The following NFX1 variants were observed in gnomAD, a reference collection of about 807,000 sequenced individuals.
The protein encoded by NFX1 is transcriptional repressor NF-X1.
NFX1 carries 69 observed loss-of-function variants against 137.2 expected under a neutral mutation model. That is an observed-to-expected ratio of 0.50 (90% confidence interval 0.41 to 0.61). The LOEUF (loss-of-function observed/expected upper bound fraction) is 0.61, where lower values mean the gene tolerates loss of function less well. NFX1 is among the 20% of genes least tolerant of loss of function. The pLI is 0.00. For missense variants in NFX1, 1,167 were observed against 1,391.0 expected, an observed-to-expected ratio of 0.84 and a Z score of 2.56; for synonymous variants, 495 against 474.1, an observed-to-expected ratio of 1.04 and a Z score of -0.57.
At chr9:33,369,345 G>C (rs1824261856) in intron 23 of NFX1, among the ~76,000 whole-genome samples, 1 of 152,162 alleles carries the variant, frequency 6.6e-6, no homozygotes, top group African/African-American at 2.4e-5. Context: ...TTACAGGCGT[G>C]AGCCACCACA....
intron 6 of NFX1, among the ~76,000 whole-genome samples, chr9:33,313,309 C>A (rs925590115): frequency 6.6e-6 from 1 of 151,808 alleles, no homozygotes; most frequent in African/African-American, 2.4e-5. Context: ...AAAGAGTGGG[C>A]CGGGCGTGGT....
chr9:33,357,523 T>A (rs1399958314), intron 19 of NFX1, among the ~76,000 whole-genome samples: 2 of 151,916 alleles, frequency 1.3e-5, no homozygotes, highest in Non-Finnish European at 2.9e-5. Flanking sequence ...CCACTTAATG[T>A]CTTTTTCATT....
intron 4 of NFX1, among the ~76,000 whole-genome samples, chr9:33,306,153 C>G (rs562547451): frequency 2.6e-5 from 4 of 152,148 alleles, no homozygotes; most frequent in African/African-American, 9.6e-5. Flanking sequence ...GAGGCAGGAA[C>G]AGGAGAGCGA....
At chr9:33,318,412 A>G (rs1369234732) in intron 7 of NFX1, among the ~76,000 whole-genome samples, 1 of 152,188 alleles carries the variant, frequency 6.6e-6, no homozygotes, top group Admixed American at 6.5e-5. Flanking sequence ...TGGACCAGAT[A>G]GTGTTCTCTT....
At chr9:33,296,517 C>T (rs1821361068) in intron 2 of NFX1, among the ~76,000 whole-genome samples, 1 of 152,204 alleles carries the variant, frequency 6.6e-6, no homozygotes, top group Admixed American at 6.5e-5. Context: ...CACTTGAACA[C>T]AGGTGTTCAA....
chr9:33,316,861 C>T (rs1822181817), intron 7 of NFX1, among the ~76,000 whole-genome samples: 1 of 152,130 alleles, frequency 6.6e-6, no homozygotes, highest in South Asian at 2.1e-4. Context: ...ATTTTTTCAT[C>T]AGGAACTCAA....
At position 33,308,146 on chromosome 9, in the gene NFX1, A is replaced by T. The variant is rs776675734; in HGVS notation, c.1376+847A>T. ...TTCCCTACAATAAATAGCCAGCTGT[A>T]GATTATATCCATAAGCCAGACACGG... is the stretch of plus-strand genomic sequence containing the variant. On this transcript the variant is annotated intron_variant, in intron 5 of 23. Transcript: ENST00000379540. Among the ~76,000 whole-genome samples, 6 of 152,180 alleles carry T rather than the reference A, an allele frequency of 3.9e-5. 1 individual carries two copies. Among genetic ancestry groups the T allele is most frequent in the Admixed American group, 3.9e-4 (6 of 15,278 alleles).
intron 6 of NFX1, among the ~76,000 whole-genome samples, chr9:33,312,581 C>A (rs1822000478): frequency 6.6e-6 from 1 of 152,182 alleles, no homozygotes; most frequent in Non-Finnish European, 1.5e-5. Context: ...TCTAAAAGTA[C>A]TTTTTGCGGC....
rs574618461 is a variant in NFX1, at chr9:33,318,259, G to A, written c.1589-472G>A. 2.6e-5 allele frequency among the ~76,000 whole-genome samples: 4 copies of A among 152,240 alleles called. 1 individual carries two copies. Among genetic ancestry groups the A allele is most frequent in the African/African-American group, 9.6e-5 (4 of 41,538 alleles). ...AAACCTGACATAAAGTATGAAACCT[G>A]TGCTTCTTGGGTTGAAGTGAGGATG... On this transcript the variant is annotated intron_variant, in intron 7 of 23. Coordinates refer to ENST00000379540, the MANE Select transcript of NFX1 (RefSeq NM_002504.6).
At chr9:33,358,836 AT>A (rs542061058) in intron 19 of NFX1, among the ~76,000 whole-genome samples, 6 of 149,382 alleles carry the variant, frequency 4.0e-5, no homozygotes, top group South Asian at 2.1e-4. Context: ...TAATTTTTAC[AT>A]TTTTTTGTAC....
intron 22 of NFX1, among the ~76,000 whole-genome samples, chr9:33,366,986 A>G (rs1384941099): frequency 1.3e-5 from 2 of 152,228 alleles, no homozygotes; most frequent in African/African-American, 4.8e-5. Flanking sequence ...ATGCACTCAA[A>G]ATGCACAAGT....
chr9:33,336,418 G>A (rs1233088655), intron 11 of NFX1, among the ~76,000 whole-genome samples: 2 of 152,060 alleles, frequency 1.3e-5, no homozygotes, highest in East Asian at 3.9e-4. Flanking sequence ...GTTTTACCAT[G>A]TTGGTCAGGC....
intron 21 of NFX1, chr9:33,365,014 C>A: frequency 7.7e-7 from 1 of 1,296,658 alleles, no homozygotes; most frequent in Non-Finnish European, 9.8e-7. Flanking sequence ...TGTCTCATGC[C>A]TGTAATGCCA....
chr9:33,361,504 G>A (rs1348719325), intron 19 of NFX1, among the ~76,000 whole-genome samples: 1 of 152,118 alleles, frequency 6.6e-6, no homozygotes, highest in Non-Finnish European at 1.5e-5. Context: ...TGGGCGCAGT[G>A]GCTCACACCC....
At chr9:33,364,816 G>C (rs747981212) in intron 21 of NFX1, 42 bp downstream of exon 21, 1 of 1,604,228 alleles carries the variant, frequency 6.2e-7, no homozygotes, top group Non-Finnish European at 8.5e-7. Context: ...TCTAAGGCCA[G>C]CTTGATGAAA....
intron 11 of NFX1, 137 bp from the exon 12 acceptor site, chr9:33,338,373 A>C: frequency 1.2e-6 from 1 of 807,550 alleles, no homozygotes; most frequent in Admixed American, 2.7e-5. Context: ...AAACAAAACA[A>C]AAAAAACTGC....
chr9:33,337,746 CAAA>C (rs1823059732), intron 11 of NFX1, among the ~76,000 whole-genome samples: 3 of 148,888 alleles, frequency 2.0e-5, no homozygotes, highest in Non-Finnish European at 4.5e-5. Flanking sequence ...CAAAACAAAA[CAAA>C]ACAAAACAAA....
At chr9:33,315,272 T>C (rs1274317054) in intron 7 of NFX1, among the ~76,000 whole-genome samples, 1 of 151,634 alleles carries the variant, frequency 6.6e-6, no homozygotes, top group East Asian at 1.9e-4. Flanking sequence ...CTTAGTGCAA[T>C]GCAATTATCC....
At chr9:33,354,631 A>G (rs550763929) in intron 18 of NFX1, among the ~76,000 whole-genome samples, 2 of 152,306 alleles carry the variant, frequency 1.3e-5, no homozygotes, top group African/African-American at 4.8e-5. Context: ...TCATCCAGCC[A>G]TTCCTGGATT....
Sources: allele counts gnomAD v4.1 joint callset (sites outside exome capture counted in the v4.1 genomes callset), GRCh38; gene constraint gnomAD v4.1.1; transcripts MANE v1.5; gene names NCBI Gene and HGNC (gene_info 2026-07-23, HGNC 2026-07-21).